Variants in FHIT observed in about 807,000 individuals in gnomAD.
The protein encoded by FHIT is bis(5'-adenosyl)-triphosphatase.
Under a neutral mutation model 17.9 loss-of-function variants are expected in FHIT, and 19 were observed. The observed-to-expected ratio is 1.06, with a 90% confidence interval of 0.74 to 1.56. FHIT has a LOEUF of 1.56. FHIT is among the 40% of genes most tolerant of loss of function. The probability of loss-of-function intolerance (pLI) is 0.00; values close to 1 mark genes in which losing one functional copy is unlikely to be tolerated. For missense variants in FHIT, 248 were observed against 189.2 expected (o/e 1.31, Z -1.82); for synonymous variants, 81 against 69.7 (o/e 1.16, Z -0.81).
chr3:60,696,342 C>T (rs1320333361), intron 4 of FHIT, among the ~76,000 whole-genome samples: 1 of 152,214 alleles, frequency 6.6e-6, no homozygotes, highest in South Asian at 2.1e-4. Flanking sequence ...CACGACTTCC[C>T]ATACTTCTTC....
At chr3:60,139,570 A>G (rs1057479063) in intron 5 of FHIT, among the ~76,000 whole-genome samples, 2 of 152,128 alleles carry the variant, frequency 1.3e-5, no homozygotes, top group African/African-American at 4.8e-5. Context: ...CTACTCATTG[A>G]TCACACAGAA....
intron 3 of FHIT, among the ~76,000 whole-genome samples, chr3:60,840,507 C>T (rs1364964216): frequency 6.6e-6 from 1 of 152,192 alleles, no homozygotes; most frequent in Admixed American, 6.5e-5. Context: ...AAGATCCCTA[C>T]TTACCTGTAA....
At chr3:60,304,175 C>A (rs1352997860) in intron 5 of FHIT, among the ~76,000 whole-genome samples, 1 of 152,010 alleles carries the variant, frequency 6.6e-6, no homozygotes, top group Non-Finnish European at 1.5e-5. Context: ...TGAAACATTA[C>A]AATTTCTGTG....
chr3:60,210,276 T>C (rs1386865052), intron 5 of FHIT, among the ~76,000 whole-genome samples: 1 of 152,104 alleles, frequency 6.6e-6, no homozygotes, highest in Non-Finnish European at 1.5e-5. Context: ...TCAGATCCAT[T>C]CCTTAGACTT....
chr3:60,849,441 A>AATATATATATATATATAT (rs10662932), intron 3 of FHIT, among the ~76,000 whole-genome samples: 61 of 137,684 alleles, frequency 4.4e-4, no homozygotes, highest in African/African-American at 8.2e-4. Context: ...ACAAAAATGA[A>AATATATATATATATATAT]ATATATATAT....
chr3:60,611,419 T>A (rs576679822), intron 4 of FHIT, among the ~76,000 whole-genome samples: 1 of 152,172 alleles, frequency 6.6e-6, no homozygotes, highest in Non-Finnish European at 1.5e-5. Flanking sequence ...GAGTTATTTA[T>A]AACCTACAGC....
At chr3:59,932,557 A>C (rs1168087227) in intron 7 of FHIT, among the ~76,000 whole-genome samples, 1 of 152,198 alleles carries the variant, frequency 6.6e-6, no homozygotes, top group Non-Finnish European at 1.5e-5. Context: ...ATGGGTTTAT[A>C]AGACGGTAAT....
At chr3:60,936,853 A>C (rs1553773197) in intron 3 of FHIT, among the ~76,000 whole-genome samples, 1 of 152,206 alleles carries the variant, frequency 6.6e-6, no homozygotes, top group Non-Finnish European at 1.5e-5. Flanking sequence ...GAAAGCAAAG[A>C]AAAAAAGGAA....
At chr3:61,000,665 C>T (rs574628265) in intron 3 of FHIT, among the ~76,000 whole-genome samples, 2 of 152,292 alleles carry the variant, frequency 1.3e-5, no homozygotes, top group East Asian at 3.9e-4. Context: ...GACTAGGGGC[C>T]TTAGCACTTG....
At chr3:59,808,123 G>A (rs1018369615) in intron 8 of FHIT, among the ~76,000 whole-genome samples, 23 of 152,112 alleles carry the variant, frequency 1.5e-4, no homozygotes, top group African/African-American at 5.1e-4. Flanking sequence ...CCACTTATCT[G>A]CTTTCTGTCT....
At chr3:59,810,671 C>T (rs1407449077) in intron 8 of FHIT, among the ~76,000 whole-genome samples, 1 of 152,106 alleles carries the variant, frequency 6.6e-6, no homozygotes, top group Admixed American at 6.5e-5. Flanking sequence ...AAATTAATTG[C>T]TCTCTGATGA....
chr3:59,816,278 C>A (rs1205048391), intron 8 of FHIT, among the ~76,000 whole-genome samples: 1 of 152,200 alleles, frequency 6.6e-6, no homozygotes, highest in Non-Finnish European at 1.5e-5. Flanking sequence ...ACCTGGCACA[C>A]AGTGTACACT....
rs73831973 is a variant in FHIT at position 60,182,024 on chromosome 3, G to A, written c.104-167872C>T. ...GGACTTTTAATTATATGCTAAGTAA[G>A]AGGCAGGTTATGCAGAACTTTCTGA... On this transcript the variant is annotated intron_variant, in intron 5 of 9. Transcript: ENST00000492590. Among the ~76,000 whole-genome samples, 1,089 of 152,268 alleles carry A rather than the reference G, an allele frequency of 7.2e-3. 15 individuals carry two copies. The highest frequency in any genetic ancestry group is 0.025 in the African/African-American group (1,054 of 41,554).
At chr3:60,357,645 C>A (rs916224415) in intron 5 of FHIT, among the ~76,000 whole-genome samples, 1 of 152,104 alleles carries the variant, frequency 6.6e-6, no homozygotes, top group Non-Finnish European at 1.5e-5. Flanking sequence ...TAACTCAAAG[C>A]CAGGAAGCTT....
rs1553751662 is a variant in FHIT, at chr3:60,860,559, TATATCAGGTATATATGATACATATGTATC to T, written c.-110-38577_-110-38549del. On this transcript the variant is annotated intron_variant, in intron 3 of 9. Transcript: ENST00000492590. Reference sequence around the variant, plus strand: ...AGGTATATATGATACATATGTATCATATATCAGGTATATATGATACATATGTATCATATATCAGGTATATATGATACATA... The same window carrying T: ...AGGTATATATGATACATATGTATCATATATATCAGGTATATATGATACATA... 6.7e-3 allele frequency among the ~76,000 whole-genome samples: 565 copies of T among 84,880 alleles called. 128 individuals carry two copies. The highest frequency in any genetic ancestry group is 0.012 in the African/African-American group (241 of 20,530). The allele number at this position is 84,880 out of a possible 152,430, so 55.7% of individuals were successfully genotyped here.
intron 7 of FHIT, among the ~76,000 whole-genome samples, chr3:59,983,719 G>A (rs1183914599): frequency 6.6e-6 from 1 of 152,078 alleles, no homozygotes; most frequent in Non-Finnish European, 1.5e-5. Flanking sequence ...ACCTGGCTGT[G>A]GAAGGTGGCC....
chr3:60,505,682 A>G (rs749135956), intron 5 of FHIT, among the ~76,000 whole-genome samples: 7 of 151,994 alleles, frequency 4.6e-5, no homozygotes, highest in Non-Finnish European at 8.8e-5. Flanking sequence ...TCTGTTTTTG[A>G]TTGCTATTTT....
chr3:60,393,642 CCAT>C (rs1216603440), intron 5 of FHIT, among the ~76,000 whole-genome samples: 1 of 151,994 alleles, frequency 6.6e-6, no homozygotes, highest in African/African-American at 2.4e-5. Flanking sequence ...TGGCTGCTCT[CCAT>C]CATATTTTAT....
At chr3:60,223,058 G>A (rs1168468760) in intron 5 of FHIT, among the ~76,000 whole-genome samples, 2 of 152,076 alleles carry the variant, frequency 1.3e-5, no homozygotes, top group African/African-American at 4.8e-5. Context: ...GCATTTACAC[G>A]TATTTTTCCA....
Sources: gnomAD v4.1 joint callset for allele counts (sites outside exome capture counted in the v4.1 genomes callset) on GRCh38, gnomAD v4.1.1 for gene constraint, MANE v1.5 for transcripts, NCBI Gene and HGNC (gene_info 2026-07-23, HGNC 2026-07-21) for gene names.